GSTM3: variants seen among roughly 807,000 people sequenced by gnomAD.
GSTM3 encodes the protein GST class-mu 3.
GSTM3 carries 34 observed loss-of-function variants against 36.1 expected under a neutral mutation model. That is an observed-to-expected ratio of 0.94 (90% CI 0.72 to 1.25). The LOEUF is 1.25. Among genes scored for constraint, GSTM3 ranks in the 50% most tolerant of loss-of-function variants. The probability of loss-of-function intolerance (pLI) is 0.00; values close to 1 mark genes in which losing one functional copy is unlikely to be tolerated. For synonymous variants in GSTM3, 102 were observed against 99.5 expected (o/e 1.03, Z -0.15); for missense variants, 266 against 281.6 (o/e 0.94, Z 0.40).
chr1:109,734,190 TG>T lies in GSTM3; in HGVS notation c.*2880del, dbSNP rs1460982943. 1 of 152,200 alleles carries T rather than the reference TG, an allele frequency of 6.6e-6. No homozygotes were observed. The highest frequency in any genetic ancestry group is 1.5e-5 in the Non-Finnish European group (1 of 68,032). 9.4% of individuals were successfully genotyped at this position (152,200 alleles called of 1,614,324 possible). Reference sequence around the variant, plus strand: ...CCCATGAGTGCCTAAGCAAAACCCATGGGGGTGCTAAAACCACAATGCTAAT... The same window carrying T: ...CCCATGAGTGCCTAAGCAAAACCCATGGGGTGCTAAAACCACAATGCTAAT... On this transcript the variant is annotated 3_prime_UTR_variant, in exon 9 of 9. Transcript: ENST00000361066.
chr1:109,737,493 C>T lies in GSTM3; in HGVS notation c.543G>A (p.Glu181=). The T allele has an allele frequency of 6.2e-7, 1 of 1,613,198 alleles. No individual in the cohort carries two copies. The highest frequency in any genetic ancestry group is 8.5e-7 in the Non-Finnish European group (1 of 1,179,268). ...NRIFDPKCLD[E]FPNLKAFMCR... ...ACATGAAAGCCTTCAGGTTTGGGAA[C>T]TCATCCAGGCACTTGGGGTCAAATA... Residue 181 remains glutamate (E), a synonymous_variant, in exon 8 of 9, where the codon GAG becomes GAA. Transcript: ENST00000361066.
intron 3 of GSTM3, 64 bp downstream of exon 3, chr1:109,739,769 G>T: frequency 7.9e-7 from 1 of 1,260,292 alleles, no homozygotes; most frequent in African/African-American, 1.5e-5. Context: ...CACCCTCTGG[G>T]CGTAAGAAGA....
Position 109,740,512 on chromosome 1 carries a change from C to G in GSTM3, c.-224-1G>C, listed in dbSNP as rs36210756. 4.6e-3 allele frequency: 2,674 copies of G among 575,526 alleles called. 54 individuals are homozygous for G. The highest frequency in any genetic ancestry group is 0.042 in the African/African-American group (2,142 of 51,492). The allele number at this position is 575,526 out of a possible 1,614,324, so 35.7% of individuals were successfully genotyped here. On this transcript the variant is annotated splice_acceptor_variant, in intron 1 of 8. Transcript: ENST00000361066. LOFTEE classifies it low-confidence loss of function (5UTR_SPLICE). ...CCGAGGCGGGACCCGGGCAGGAGTG[C>G]TGCAGGAGAGCAAAGGACCCGAGGT...
At position 109,738,072 on chromosome 1, in the gene GSTM3, G is replaced by A. The variant is rs1446545553; in HGVS notation, c.372+19C>T. ...TTTTCTGATACTCCATTCAGCAGAT[G>A]TGTGCTAAGGAAACTCACGTGGTCA... On this transcript the variant is annotated intron_variant, in intron 6 of 8. Coordinates refer to ENST00000361066, the MANE Select transcript of GSTM3 (RefSeq NM_000849.5). The A allele has an allele frequency of 2.0e-6, 3 of 1,506,756 alleles. No homozygotes were observed. Among genetic ancestry groups the A allele is most frequent in the Non-Finnish European group, 2.8e-6 (3 of 1,081,930 alleles). The allele number at this position is 1,506,756 out of a possible 1,614,324, so 93.3% of individuals were successfully genotyped here. A position where few individuals can be genotyped will look rare whatever the true frequency, so the allele number is the denominator to read the frequency against.
chr1:109,737,085 T>C lies in GSTM3; in HGVS notation c.664A>G (p.Lys222Glu). 1 of 1,607,926 alleles carries C rather than the reference T, an allele frequency of 6.2e-7. No homozygotes were observed. Among genetic ancestry groups the C allele is most frequent in the Non-Finnish European group, 8.5e-7 (1 of 1,174,286 alleles). ...INNKMAQWGN[K>E]PVC ...CTGCCTCCTGCTCAGCATACAGGCTTGTTGCCCCACTGGGCCATCTTGTTG... is the reference window on the plus strand; with the variant it reads ...CTGCCTCCTGCTCAGCATACAGGCTCGTTGCCCCACTGGGCCATCTTGTTG... The change falls in exon 9 of 9, where the codon AAG (lysine) becomes GAG (glutamate). Residue 222 changes from lysine (K) to glutamate (E), a missense_variant. Coordinates refer to ENST00000361066, the MANE Select transcript of GSTM3 (RefSeq NM_000849.5).
Position 109,737,139 on chromosome 1 carries a change from A to G in GSTM3, c.610T>C (p.Ser204Pro), listed in dbSNP as rs866689470. The G allele has an allele frequency of 1.9e-6, 3 of 1,613,668 alleles. No homozygotes were observed. The highest frequency in any genetic ancestry group is 3.3e-5 in the Admixed American group (2 of 60,012). The change falls in exon 9 of 9, where the codon TCT (serine) becomes CCT (proline). Residue 204 changes from serine (S) to proline (P), a missense_variant. Ser to Pro is a moderately conservative substitution (Grantham distance 74). Transcript: ENST00000361066. Reference protein sequence around the residue: ...ALEKIAAYLQSDQFCKMPINN... With the variant: ...ALEKIAAYLQPDQFCKMPINN... ...ATGGGCATCTTGCAGAACTGATCAG[A>G]CTGTAAGTAGGCAGCGATTTTCTCC...
chr1:109,740,382 C>G lies in GSTM3; in HGVS notation c.-95G>C. 1 of 1,048,882 alleles carries G rather than the reference C, an allele frequency of 9.5e-7. No homozygotes were observed. The highest frequency in any genetic ancestry group is 1.4e-5 in the South Asian group (1 of 70,606). 65.0% of individuals were successfully genotyped at this position (1,048,882 alleles called of 1,614,324 possible). Reference sequence around the variant, plus strand: ...GGGGGCGGGGCCCACGCGCGGGCGCCCTGACTCCGCCTCCGCCCCGTTCTC... The same window carrying G: ...GGGGGCGGGGCCCACGCGCGGGCGCGCTGACTCCGCCTCCGCCCCGTTCTC... On this transcript the variant is annotated 5_prime_UTR_variant, in exon 2 of 9. Coordinates refer to ENST00000361066, the MANE Select transcript of GSTM3 (RefSeq NM_000849.5).
chr1:109,739,782 A>C, intron 3 of GSTM3, 51 bp downstream of exon 3: 1 of 1,362,922 alleles, frequency 7.3e-7, no homozygotes, highest in East Asian at 2.5e-5. Flanking sequence ...TAAGAAGACC[A>C]GGGCAGGTGG....
chr1:109,736,573 G>A lies in GSTM3; in HGVS notation c.*498C>T, dbSNP rs1395974152. ...TTAATTTTAGTGAATAGTGTCAAGT[G>A]GGGCTCTATTATTTTTAATGAGTAA... is the stretch of plus-strand genomic sequence containing the variant. On this transcript the variant is annotated 3_prime_UTR_variant, in exon 9 of 9. Coordinates refer to ENST00000361066, the MANE Select transcript of GSTM3 (RefSeq NM_000849.5). 1 of 152,306 alleles carries A rather than the reference G, an allele frequency of 6.6e-6. No individual in the cohort carries two copies. Among genetic ancestry groups the A allele is most frequent in the African/African-American group, 2.4e-5 (1 of 41,436 alleles). The allele number at this position is 152,306 out of a possible 1,614,324, so 9.4% of individuals were successfully genotyped here. A position where few individuals can be genotyped will look rare whatever the true frequency, so the allele number is the denominator to read the frequency against.
chr1:109,740,523 C>T lies in GSTM3; in HGVS notation c.-224-12G>A. ...CCCGGGCAGGAGTGCTGCAGGAGAG[C>T]AAAGGACCCGAGGTTGAGGCTCCTC... On this transcript the variant is annotated splice_polypyrimidine_tract_variant and intron_variant, in intron 1 of 8. Transcript: ENST00000361066. 1.8e-6 allele frequency: 1 copy of T among 560,142 alleles called. No homozygotes were observed. Among genetic ancestry groups the T allele is most frequent in the Non-Finnish European group, 3.1e-6 (1 of 317,698 alleles). 34.7% of individuals were successfully genotyped at this position (560,142 alleles called of 1,614,324 possible).
intron 4 of GSTM3, 76 bp downstream of exon 4, chr1:109,739,353 C>A: frequency 2.1e-6 from 2 of 956,768 alleles, no homozygotes; most frequent in South Asian, 1.5e-5. Context: ...CCTTCTGTAC[C>A]AGGCAGGAGA....
Position 109,737,060 on chromosome 1 carries a change from C to G in GSTM3, c.*11G>C. 6.4e-7 allele frequency: 1 copy of G among 1,554,856 alleles called. No homozygotes were observed. The highest frequency in any genetic ancestry group is 8.9e-7 in the Non-Finnish European group (1 of 1,125,954). On this transcript the variant is annotated 3_prime_UTR_variant, in exon 9 of 9. Coordinates refer to ENST00000361066, the MANE Select transcript of GSTM3 (RefSeq NM_000849.5). ...ATGAAACAAAACAAGCTCTGCAAGT[C>G]TGCCTCCTGCTCAGCATACAGGCTT...
chr1:109,740,467 G>T lies in GSTM3; in HGVS notation c.-180C>A. Reference sequence around the variant, plus strand: ...GCAGGCGCGACTAATGCCGGCGTTGGGGTTCAGGGCCTGGCGACCCCGAGG... The same window carrying T: ...GCAGGCGCGACTAATGCCGGCGTTGTGGTTCAGGGCCTGGCGACCCCGAGG... On this transcript the variant is annotated 5_prime_UTR_variant, in exon 2 of 9. Transcript: ENST00000361066. 1.6e-6 allele frequency: 1 copy of T among 614,454 alleles called. No homozygotes were observed. The highest frequency in any genetic ancestry group is 2.0e-5 in the South Asian group (1 of 51,014). 38.1% of individuals were successfully genotyped at this position (614,454 alleles called of 1,614,324 possible).
At chr1:109,738,571 A>G (rs553231284) in intron 4 of GSTM3, among the ~76,000 whole-genome samples, 27 of 152,320 alleles carry the variant, frequency 1.8e-4, no homozygotes, top group African/African-American at 6.5e-4. Context: ...TGTATGTGTG[A>G]GTGTATGTGC....
In GSTM3 at chr1:109,740,320, G is replaced by A. The variant is rs866466675; in HGVS notation, c.-33C>T. On this transcript the variant is annotated 5_prime_UTR_variant, in exon 2 of 9. Coordinates refer to ENST00000361066, the MANE Select transcript of GSTM3 (RefSeq NM_000849.5). ...GGCTTCCGAGCCTTCGAGGACTAGG[G>A]AAACTGTGAGCGGGAGGGGCTTTAT... 1 of 1,604,210 alleles carries A rather than the reference G, an allele frequency of 6.2e-7. No homozygotes were observed. Among genetic ancestry groups the A allele is most frequent in the East Asian group, 2.2e-5 (1 of 44,786 alleles).
In GSTM3 at chr1:109,737,519, T is replaced by C. The variant is rs79928221; in HGVS notation, c.517A>G (p.Ile173Val). ...LTYDILDQNRIFDPKCLDEFP... is the reference protein window; with the variant it reads ...LTYDILDQNRVFDPKCLDEFP... ...TCATCCAGGCACTTGGGGTCAAATA[T>C]ACGGTTCTGATCCAAGATATCATAG... Residue 173 changes from isoleucine (I) to valine (V), a missense_variant, in exon 8 of 9, where the codon ATA becomes GTA. Coordinates refer to ENST00000361066, the MANE Select transcript of GSTM3 (RefSeq NM_000849.5). 1 of 1,613,812 alleles carries C rather than the reference T, an allele frequency of 6.2e-7. No homozygotes were observed. The highest frequency in any genetic ancestry group is 2.2e-5 in the East Asian group (1 of 44,882).
rs1212419676 is a variant in GSTM3 at position 109,733,960 on chromosome 1, T to C, written c.*3111A>G. On this transcript the variant is annotated 3_prime_UTR_variant, in exon 9 of 9. Transcript: ENST00000361066. ...AGTGAGTAGGGCAGAGTAGAATTTA[T>C]TGGGAAAAAGGAAAGCTCTCAGCAA... 1 of 152,310 alleles carries C rather than the reference T, an allele frequency of 6.6e-6. No homozygotes were observed. Among genetic ancestry groups the C allele is most frequent in the South Asian group, 2.1e-4 (1 of 4,824 alleles). The allele number at this position is 152,310 out of a possible 1,614,324, so 9.4% of individuals were successfully genotyped here.
rs1285495476 is a variant in GSTM3 at position 109,735,119 on chromosome 1, C to G, written c.*1952G>C. 6.6e-6 allele frequency: 1 copy of G among 152,240 alleles called. No homozygotes were observed. The highest frequency in any genetic ancestry group is 1.5e-5 in the Non-Finnish European group (1 of 68,048). The allele number at this position is 152,240 out of a possible 1,614,324, so 9.4% of individuals were successfully genotyped here. ...TCTGGGCCTTTATCCCACTTGCCTG[C>G]AGTAAGACTGTTATGAGTTTGGTGT... is the stretch of plus-strand genomic sequence containing the variant. On this transcript the variant is annotated 3_prime_UTR_variant, in exon 9 of 9. Transcript: ENST00000361066.
intron 3 of GSTM3, 71 bp from the exon 4 acceptor site, chr1:109,739,564 G>T (rs1160145839): frequency 1.7e-6 from 2 of 1,150,416 alleles, no homozygotes; most frequent in East Asian, 2.4e-5. Flanking sequence ...AAGATCTAAA[G>T]AAATGACTTG....
Sources: allele counts gnomAD v4.1 joint callset (sites outside exome capture counted in the v4.1 genomes callset), GRCh38; gene constraint gnomAD v4.1.1; transcripts MANE v1.5; gene names NCBI Gene and HGNC (gene_info 2026-07-23, HGNC 2026-07-21).